The following TRIM6 variants were observed in gnomAD, a reference collection of about 807,000 sequenced individuals.
The protein encoded by TRIM6 is tripartite motif-containing protein 6.
Under a neutral mutation model 51.2 loss-of-function variants are expected in TRIM6, and 43 were observed. That is an observed-to-expected ratio of 0.84 (90% CI 0.66 to 1.08). The LOEUF (loss-of-function observed/expected upper bound fraction) is 1.08. Ranked by LOEUF, TRIM6 falls within the 50% of genes least tolerant of loss-of-function variation. The pLI, the probability that TRIM6 is intolerant of heterozygous loss-of-function variation, is 0.00. For synonymous variants in TRIM6, 215 were observed against 232.4 expected (o/e 0.93, Z 0.68); for missense variants, 669 against 619.0 (o/e 1.08, Z -0.86).
chr11:5,610,008 G>A, intron 5 of TRIM6, 137 bp from the exon 6 acceptor site: 1 of 789,388 alleles, frequency 1.3e-6, no homozygotes, highest in East Asian at 2.7e-5. Context: ...CAGTGCCAGG[G>A]CTGTTTGCAG....
At chr11:5,598,211 C>G (rs1426004526) in intron 1 of TRIM6, among the ~76,000 whole-genome samples, 1 of 152,154 alleles carries the variant, frequency 6.6e-6, no homozygotes, top group African/African-American at 2.4e-5. Context: ...TGGCAGCCTC[C>G]CATATCTCCC....
chr11:5,610,582 C>G, intron 7 of TRIM6, 21 bp downstream of exon 7: 2 of 1,609,682 alleles, frequency 1.2e-6, no homozygotes, highest in Non-Finnish European at 1.7e-6. Context: ...GCCATGGCCT[C>G]TTTGGGCTGG....
In TRIM6 at chr11:5,605,395, T is replaced by G; in HGVS notation, c.662T>G (p.Ile221Ser). The G allele has an allele frequency of 6.2e-7, 1 of 1,614,114 alleles. No individual in the cohort carries two copies. Among genetic ancestry groups the G allele is most frequent in the Middle Eastern group, 1.6e-4 (1 of 6,062 alleles). Residue 221 changes from isoleucine (I) to serine (S), a missense_variant, in exon 4 of 8, where the codon ATC becomes AGC. Transcript: ENST00000380097. ...IQTEFNQLRN[I>S]LDRVEQRELK... ...ACAGAGTTTAATCAGCTGCGAAATA[T>G]CCTAGACAGAGTGGAGCAACGGGAG... is the stretch of plus-strand genomic sequence containing the variant.
At position 5,605,428 on chromosome 11, in the gene TRIM6, A is replaced by C. The variant is rs1290244276; in HGVS notation, c.695A>C (p.Lys232Thr). 1 of 1,614,098 alleles carries C rather than the reference A, an allele frequency of 6.2e-7. No individual in the cohort carries two copies. Among genetic ancestry groups the C allele is most frequent in the African/African-American group, 1.3e-5 (1 of 74,936 alleles). Residue 232 changes from lysine to threonine, a missense_variant, in exon 4 of 8, where the codon AAG becomes ACG. Lys to Thr is a moderately conservative substitution (Grantham distance 78). Transcript: ENST00000380097. ...AGAGTGGAGCAACGGGAGCTGAAAA[A>C]GCTGGAACAGGAAGAGAAGAAGGGG... ...LDRVEQRELK[K>T]LEQEEKKGLR... is the part of the protein sequence containing the mutation.
chr11:5,610,904 T>C lies in TRIM6; in HGVS notation c.1113T>C (p.Ser371=). 1 of 1,614,166 alleles carries C rather than the reference T, an allele frequency of 6.2e-7. No individual in the cohort carries two copies. Residue 371 remains serine (S), a synonymous_variant, in exon 8 of 8, where the codon AGT becomes AGC. Coordinates refer to ENST00000380097, the MANE Select transcript of TRIM6 (RefSeq NM_001003818.3). ...GTCTGGAAAAGCATTATGACTGTAG[T>C]GTCCTGGGCTCCCAGCACTTCTCCT... ...PSCLEKHYDC[S]VLGSQHFSSG... is the part of the protein sequence containing the mutation.
chr11:5,602,302 A>G (rs571348399), intron 1 of TRIM6, among the ~76,000 whole-genome samples: 131 of 152,086 alleles, frequency 8.6e-4, no homozygotes, highest in African/African-American at 2.3e-3. Context: ...AATTAGCCGG[A>G]CATAGTGGCA....
At chr11:5,601,865 G>T (rs117555628) in intron 1 of TRIM6, among the ~76,000 whole-genome samples, 1 of 152,116 alleles carries the variant, frequency 6.6e-6, no homozygotes, top group African/African-American at 2.4e-5. Context: ...GAGCAGGGCC[G>T]TTAAGAAGTG....
intron 4 of TRIM6, 45 bp from the exon 5 acceptor site, chr11:5,608,327 C>A (rs1848346244): frequency 6.2e-7 from 1 of 1,611,446 alleles, no homozygotes; most frequent in Non-Finnish European, 8.5e-7. Flanking sequence ...TGGATAAGGG[C>A]ATGACCTGTT....
chr11:5,609,751 T>C (rs182492028), intron 5 of TRIM6, among the ~76,000 whole-genome samples: 40 of 152,134 alleles, frequency 2.6e-4, no homozygotes, highest in African/African-American at 9.2e-4. Context: ...TGAAACCCTA[T>C]CTCTACTAAA....
intron 1 of TRIM6, among the ~76,000 whole-genome samples, chr11:5,598,703 A>G (rs537783151): frequency 2.0e-5 from 3 of 152,362 alleles, no homozygotes; most frequent in African/African-American, 7.2e-5. Flanking sequence ...AATGCTCAAG[A>G]GCCATATCTG....
In TRIM6 at chr11:5,603,654, CA is replaced by C. The variant is rs781472016; in HGVS notation, c.427del (p.Ile143PhefsTer34). The C allele has an allele frequency of 1.7e-5, 28 of 1,613,318 alleles. 1 individual carries two copies. Among genetic ancestry groups the C allele is most frequent in the Non-Finnish European group, 1.6e-5 (19 of 1,179,928 alleles). On this transcript the variant is annotated frameshift_variant, in exon 2 of 8. Transcript: ENST00000380097. LOFTEE classifies it high-confidence loss of function. ...QLFCQEDGKV[I>X]CWLCERSQEH... Reference sequence around the variant, plus strand: ...TCTTCTGTCAGGAGGATGGGAAGGTCATTTGCTGGCTTTGTGAGCGGTCTCA... The same window carrying C: ...TCTTCTGTCAGGAGGATGGGAAGGTCTTTGCTGGCTTTGTGAGCGGTCTCA...
chr11:5,603,222 T>G, intron 1 of TRIM6, 24 bp from the exon 2 acceptor site: 5 of 1,602,616 alleles, frequency 3.1e-6, no homozygotes, highest in Non-Finnish European at 4.3e-6. Context: ...CCCTGATCCT[T>G]TTTTTGTTTG....
Position 5,603,488 on chromosome 11 carries a change from G to A in TRIM6, c.260G>A (p.Cys87Tyr). The A allele has an allele frequency of 1.2e-6, 2 of 1,614,096 alleles. No individual in the cohort carries two copies. The highest frequency in any genetic ancestry group is 2.7e-5 in the African/African-American group (2 of 75,004). ...GAAGGGGAAAGAAGCTGCCCTGTGT[G>A]CCAGACCAGCTACCAGCCAGGGAAC... ...GQEGERSCPV[C>Y]QTSYQPGNLR... The change falls in exon 2 of 8, where the codon TGC becomes TAC. Residue 87 changes from cysteine to tyrosine, a missense_variant. Physicochemically the swap from Cys to Tyr is radical, Grantham distance 194. Coordinates refer to ENST00000380097, the MANE Select transcript of TRIM6 (RefSeq NM_001003818.3).
chr11:5,612,581 C>G lies in TRIM6; in HGVS notation c.*1239C>G, dbSNP rs549651089. 3 of 152,282 alleles carry G rather than the reference C, an allele frequency of 2.0e-5. No homozygotes were observed. In the South Asian group the frequency reaches 6.2e-4, roughly 32 times the overall value. The allele number at this position is 152,282 out of a possible 1,614,324, so 9.4% of individuals were successfully genotyped here. A position where few individuals can be genotyped will look rare whatever the true frequency, so the allele number is the denominator to read the frequency against. On this transcript the variant is annotated 3_prime_UTR_variant, in exon 8 of 8. Transcript: ENST00000380097. ...AAGAGGATGATTTCTTCCAGCTTTT[C>G]CACACTCTCTTTATGCGCAGGAACA...
intron 4 of TRIM6, among the ~76,000 whole-genome samples, chr11:5,607,165 C>A (rs921360029): frequency 6.6e-6 from 1 of 152,018 alleles, no homozygotes; most frequent in African/African-American, 2.4e-5. Context: ...GATCGCACCA[C>A]TGCACTCCAG....
At position 5,610,205 on chromosome 11, in the gene TRIM6, C is replaced by A. The variant is rs1848487436; in HGVS notation, c.918C>A (p.Phe306Leu). Residue 306 changes from phenylalanine to leucine, a missense_variant, in exon 6 of 8, where the codon TTC (phenylalanine) becomes TTA (leucine). Coordinates refer to ENST00000380097, the MANE Select transcript of TRIM6 (RefSeq NM_001003818.3). ...TCCCTACAAAGCTGAGAAGTATGTT[C>A]CGAGCCCCAGATCTGAAAAGGATGC... is the stretch of plus-strand genomic sequence containing the variant. ...EALPTKLRSMFRAPDLKRMLR... is the reference protein window; with the variant it reads ...EALPTKLRSMLRAPDLKRMLR... 1 of 1,614,062 alleles carries A rather than the reference C, an allele frequency of 6.2e-7. No individual in the cohort carries two copies. Among genetic ancestry groups the A allele is most frequent in the Admixed American group, 1.7e-5 (1 of 60,020 alleles).
At position 5,604,491 on chromosome 11, in the gene TRIM6, A is replaced by G. The variant is rs562012750; in HGVS notation, c.508-43A>G. The G allele has an allele frequency of 2.5e-4, 390 of 1,589,482 alleles. 5 individuals are homozygous for G. In the South Asian group the frequency reaches 4.2e-3, roughly 17 times the overall value. ...CATTCTATGTCTGGGTACTGAGTCA[A>G]CTGAAGGCTTGATCCTGCTTGACCT... On this transcript the variant is annotated intron_variant, in intron 2 of 7. Coordinates refer to ENST00000380097, the MANE Select transcript of TRIM6 (RefSeq NM_001003818.3).
At chr11:5,608,501 G>T in intron 5 of TRIM6, 107 bp downstream of exon 5, 1 of 1,522,028 alleles carries the variant, frequency 6.6e-7, no homozygotes, top group South Asian at 1.2e-5. Flanking sequence ...AGATTCAAGA[G>T]AGTAGTCTTG....
In TRIM6 at chr11:5,596,733, C is replaced by T; in HGVS notation, c.-165C>T. 1 of 1,090,444 alleles carries T rather than the reference C, an allele frequency of 9.2e-7. No homozygotes were observed. The highest frequency in any genetic ancestry group is 1.3e-6 in the Non-Finnish European group (1 of 747,558). 67.5% of individuals were successfully genotyped at this position (1,090,444 alleles called of 1,614,324 possible). The stretch of plus-strand genomic sequence containing the variant: ...GGCGGAGGAGGGATCCCCTGCCTTT[C>T]TCGGAACGGAACGGAGCAGAGTCGT... On this transcript the variant is annotated 5_prime_UTR_variant, in exon 1 of 8. Coordinates refer to ENST00000380097, the MANE Select transcript of TRIM6 (RefSeq NM_001003818.3).
Sources: gnomAD v4.1 joint callset for allele counts (sites outside exome capture counted in the v4.1 genomes callset) on GRCh38, gnomAD v4.1.1 for gene constraint, MANE v1.5 for transcripts, NCBI Gene and HGNC (gene_info 2026-07-23, HGNC 2026-07-21) for gene names.